Variants in LY75 observed in about 807,000 individuals in gnomAD.
The protein encoded by LY75 is C-type lectin domain family 13 member B.
LY75 carries 185 observed loss-of-function variants against 231.7 expected under a neutral mutation model. The observed-to-expected ratio is 0.80, with a 90% CI of 0.71 to 0.90. LY75 has a LOEUF of 0.90. Ranked by LOEUF, LY75 falls within the 40% of genes least tolerant of loss-of-function variation. The pLI, the probability that LY75 is intolerant of heterozygous loss-of-function variation, is 0.00. For missense variants in LY75, 1,947 were observed against 2,050.2 expected, an observed-to-expected ratio of 0.95 and a Z score of 0.97; for synonymous variants, 668 against 689.0, an observed-to-expected ratio of 0.97 and a Z score of 0.48.
At chr2:159,858,177 T>G (rs746197237) in intron 16 of LY75, among the ~76,000 whole-genome samples, 185 bp downstream of exon 16, 7 of 152,178 alleles carry the variant, frequency 4.6e-5, no homozygotes, top group Non-Finnish European at 1.0e-4. Flanking sequence ...ATCACTAAAT[T>G]TCAATAAGCT....
intron 31 of LY75, chr2:159,814,038 C>T (rs1683043172): frequency 6.6e-6 from 1 of 152,190 alleles, no homozygotes; most frequent in African/African-American, 2.4e-5. Flanking sequence ...TTCACATTTT[C>T]TTCGGCCTGA....
intron 4 of LY75, among the ~76,000 whole-genome samples, chr2:159,887,581 A>AAAAG (rs1553812866): frequency 3.6e-4 from 54 of 149,678 alleles, no homozygotes; most frequent in African/African-American, 8.2e-4. Flanking sequence ...AAAAAAAAAA[A>AAAAG]AAAGAAAAAA....
Position 159,817,105 on chromosome 2 carries a change from C to A in LY75, c.4154-73G>T, listed in dbSNP as rs1024742890. 7 of 1,400,526 alleles carry A rather than the reference C, an allele frequency of 5.0e-6. No homozygotes were observed. The African/African-American group carries it at 7.3e-5, about 15-fold the overall frequency. 86.8% of individuals were successfully genotyped at this position (1,400,526 alleles called of 1,614,324 possible). ...TACATCTTTTGGATGAGACAACATG[C>A]AATCATTTCAAAAGTTAAATAAAAC... On this transcript the variant is annotated intron_variant, in intron 29 of 34. Transcript: ENST00000263636.
chr2:159,840,819 C>G lies in LY75; in HGVS notation c.3417G>C (p.Val1139=). 6.2e-7 allele frequency: 1 copy of G among 1,614,146 alleles called. No individual in the cohort carries two copies. The highest frequency in any genetic ancestry group is 8.5e-7 in the Non-Finnish European group (1 of 1,180,006). ...RECLKSNMQL[V]SITDPYQQAF... is the part of the protein sequence containing the mutation. ...CCTGCTGGTAAGGGTCCGTGATGCT[C>G]ACCAGCTGCATGTTACTTTTCAGAC... Residue 1139 remains valine, a synonymous_variant, in exon 25 of 35, where the codon GTG becomes GTC. Transcript: ENST00000263636.
In LY75 at chr2:159,810,595, C is replaced by T. The variant is rs754464803; in HGVS notation, c.4630G>A (p.Gly1544Ser). ...GCCTGATCAGACTTGTAACAGTGAC[C>T]CTTGTACTGGATCCACCGTGACCCA... ...ENGSRWIQYK[G>S]HCYKSDQALH... Residue 1544 changes from glycine to serine, a missense_variant, in exon 32 of 35, where the codon GGT becomes AGT. Coordinates refer to ENST00000263636, the MANE Select transcript of LY75 (RefSeq NM_002349.4). 1.2e-6 allele frequency: 2 copies of T among 1,614,030 alleles called. No individual in the cohort carries two copies. Among genetic ancestry groups the T allele is most frequent in the South Asian group, 1.1e-5 (1 of 91,068 alleles).
At chr2:159,869,201 T>C (rs1027206085) in intron 13 of LY75, among the ~76,000 whole-genome samples, 1 of 151,502 alleles carries the variant, frequency 6.6e-6, no homozygotes. Context: ...CTAATGTAAA[T>C]GACGAGCTAA....
intron 29 of LY75, among the ~76,000 whole-genome samples, chr2:159,818,580 T>C (rs187287165): frequency 2.9e-3 from 443 of 152,268 alleles, no homozygotes; most frequent in Non-Finnish European, 4.0e-3. Flanking sequence ...AGAAAAAGTA[T>C]GTTAAATAAA....
chr2:159,879,438 C>A, intron 8 of LY75, 69 bp from the exon 9 acceptor site: 1 of 1,585,866 alleles, frequency 6.3e-7, no homozygotes, highest in Non-Finnish European at 8.6e-7. Context: ...ACTGAACTCA[C>A]AAAAACTATG....
In LY75 at chr2:159,878,850, A is replaced by T. The variant is rs1160667816; in HGVS notation, c.1516-129T>A. The T allele has an allele frequency of 5.1e-6, 5 of 974,392 alleles. No individual in the cohort carries two copies. The African/African-American group carries it at 6.5e-5, about 13-fold the overall frequency. The allele number at this position is 974,392 out of a possible 1,614,324, so 60.4% of individuals were successfully genotyped here. On this transcript the variant is annotated intron_variant, in intron 9 of 34. Transcript: ENST00000263636. ...AATTGAGGACATGGCTATTGAAATC[A>T]TACATGTGATGAGGGTGGGATGCAA...
In LY75 at chr2:159,870,189, C is replaced by T. The variant is rs569709006; in HGVS notation, c.2117+2262G>A. 1.1e-4 allele frequency among the ~76,000 whole-genome samples: 17 copies of T among 152,308 alleles called. No individual in the cohort carries two copies. In the South Asian group the frequency reaches 3.5e-3, roughly 32 times the overall value. On this transcript the variant is annotated intron_variant, in intron 13 of 34. Coordinates refer to ENST00000263636, the MANE Select transcript of LY75 (RefSeq NM_002349.4). ...AATCTGGGCCAGGCACTGTGGCTCA[C>T]ATCTGTGATCCCAGCACCTTGGGAG...
At chr2:159,816,321 G>A (rs12464577) in intron 30 of LY75, among the ~76,000 whole-genome samples, 81,652 of 151,938 alleles carry the variant, frequency 0.54, 22,931 homozygotes, top group Admixed American at 0.69. Context: ...GAAGGTATAC[G>A]TTTATTAGTC....
Position 159,834,763 on chromosome 2 carries a change from C to T in LY75, c.3674-552G>A, listed in dbSNP as rs1010113797. Among the ~76,000 whole-genome samples, 3 of 152,294 alleles carry T rather than the reference C, an allele frequency of 2.0e-5. No individual in the cohort carries two copies. In the Middle Eastern group the frequency reaches 0.01, roughly 518 times the overall value. On this transcript the variant is annotated intron_variant, in intron 26 of 34. Coordinates refer to ENST00000263636, the MANE Select transcript of LY75 (RefSeq NM_002349.4). ...AAAAGGCCATACATTCACAAAGATA[C>T]AAATATAAACATATTCCACTCAAAT... is the stretch of plus-strand genomic sequence containing the variant.
At chr2:159,873,774 T>C (rs1013627538) in intron 12 of LY75, among the ~76,000 whole-genome samples, 2 of 105,754 alleles carry the variant, frequency 1.9e-5, no homozygotes, top group South Asian at 4.8e-4. Context: ...AATATATACA[T>C]TTTGTAAAAA....
At chr2:159,846,385 C>T (rs1028560868) in intron 23 of LY75, among the ~76,000 whole-genome samples, 1 of 151,954 alleles carries the variant, frequency 6.6e-6, no homozygotes, top group East Asian at 1.9e-4. Flanking sequence ...AATGTAGCTG[C>T]GCATGGTGGT....
intron 16 of LY75, among the ~76,000 whole-genome samples, chr2:159,855,981 G>T (rs558939151): frequency 1.3e-5 from 2 of 152,262 alleles, no homozygotes; most frequent in African/African-American, 2.4e-5. Context: ...AGTTCTATTC[G>T]TATTGGATAA....
chr2:159,848,308 A>G (rs1684280186), intron 23 of LY75, among the ~76,000 whole-genome samples: 1 of 152,022 alleles, frequency 6.6e-6, no homozygotes, highest in Non-Finnish European at 1.5e-5. Context: ...TCAGTAATGG[A>G]AAACCAAACA....
rs191569925 is a variant in LY75 at position 159,876,734 on chromosome 2, G to A, written c.1775-1091C>T. Among the ~76,000 whole-genome samples, 556 of 151,986 alleles carry A rather than the reference G, an allele frequency of 3.7e-3. 5 individuals carry two copies. Among genetic ancestry groups the A allele is most frequent in the African/African-American group, 0.013 (521 of 41,446 alleles). ...CTATAAAACAAATCTGGCCAGGCAC[G>A]GTGGCTCACGCCTGTAATCCCAGCA... is the stretch of plus-strand genomic sequence containing the variant. On this transcript the variant is annotated intron_variant, in intron 11 of 34. Transcript: ENST00000263636.
chr2:159,876,708 T>C (rs1271220736), intron 11 of LY75, among the ~76,000 whole-genome samples: 4 of 151,600 alleles, frequency 2.6e-5, no homozygotes, highest in Non-Finnish European at 5.9e-5. Flanking sequence ...ACTCTTAGTG[T>C]CTATAAAACA....
intron 13 of LY75, among the ~76,000 whole-genome samples, chr2:159,871,621 T>C (rs1212784901): frequency 6.6e-6 from 1 of 152,138 alleles, no homozygotes. Flanking sequence ...CTTTCAAAAG[T>C]GCAGAATTGG....
Sources: gnomAD v4.1 joint callset for allele counts (sites outside exome capture counted in the v4.1 genomes callset) on GRCh38, gnomAD v4.1.1 for gene constraint, MANE v1.5 for transcripts, NCBI Gene and HGNC (gene_info 2026-07-23, HGNC 2026-07-21) for gene names.